EML6: variants seen among roughly 807,000 people sequenced by gnomAD.
EML6 encodes the protein EMAP like 6.
A neutral mutation model predicts 240.1 loss-of-function variants in EML6; 154 were observed. The observed-to-expected ratio is 0.64, with a 90% confidence interval of 0.56 to 0.73. The LOEUF (loss-of-function observed/expected upper bound fraction) is 0.73. Among genes scored for constraint, EML6 ranks in the 30% least tolerant of loss-of-function variants. The pLI is 0.00. For synonymous variants in EML6, 1,148 were observed against 899.0 expected (o/e 1.28, Z -4.95); for missense variants, 2,964 against 2,474.6 (o/e 1.20, Z -4.20).
At chr2:54,832,306 G>T (rs757469899) in intron 7 of EML6, among the ~76,000 whole-genome samples, 1 of 152,174 alleles carries the variant, frequency 6.6e-6, no homozygotes, top group African/African-American at 2.4e-5. Context: ...GCTCTGTTGC[G>T]CTCAGCCAGG....
intron 11 of EML6, among the ~76,000 whole-genome samples, chr2:54,855,331 C>T (rs561074800): frequency 5.9e-5 from 9 of 152,150 alleles, no homozygotes; most frequent in Non-Finnish European, 1.2e-4. Flanking sequence ...AGAGCTAGAG[C>T]AGGGTTCCTA....
At chr2:54,869,130 T>G in intron 14 of EML6, 51 bp from the exon 15 acceptor site, 1 of 1,282,624 alleles carries the variant, frequency 7.8e-7, no homozygotes, top group East Asian at 2.5e-5. Context: ...TCCTGCTCCA[T>G]GCATTTGCTG....
chr2:54,869,018 C>T, intron 14 of EML6, 163 bp from the exon 15 acceptor site: 1 of 523,712 alleles, frequency 1.9e-6, no homozygotes, highest in Non-Finnish European at 3.4e-6. Flanking sequence ...CTCATGCCCT[C>T]AGACGGCCAC....
intron 3 of EML6, 63 bp from the exon 4 acceptor site, chr2:54,816,724 T>G (rs1668097252): frequency 2.4e-6 from 3 of 1,240,858 alleles, no homozygotes; most frequent in Non-Finnish European, 3.5e-6. Flanking sequence ...AGTAACTATT[T>G]CTTAACGTGT....
At chr2:54,819,237 C>G (rs1342438872) in intron 4 of EML6, among the ~76,000 whole-genome samples, 2 of 152,160 alleles carry the variant, frequency 1.3e-5, no homozygotes, top group African/African-American at 4.8e-5. Context: ...CCTTCCCTTT[C>G]TATCAGTGTG....
At position 54,903,464 on chromosome 2, in the gene EML6, C is replaced by T. The variant is rs1558668955; in HGVS notation, c.3371C>T (p.Ala1124Val). 3 of 1,551,790 alleles carry T rather than the reference C, an allele frequency of 1.9e-6. No individual in the cohort carries two copies. The highest frequency in any genetic ancestry group is 1.4e-5 in the African/African-American group (1 of 73,024). ...TSKRVGICKG[A>V]SSYITHIDWD... ...AAAAGGGTTGGCATCTGTAAAGGTG[C>T]TTCTAGTTATATTACACACATTGAC... Residue 1124 changes from alanine to valine, a missense_variant, in exon 24 of 42, where the codon GCT becomes GTT. Coordinates refer to ENST00000356458, the MANE Select transcript of EML6 (RefSeq NM_001039753.4).
chr2:54,873,147 G>A (rs889550396), intron 16 of EML6, among the ~76,000 whole-genome samples: 2 of 152,150 alleles, frequency 1.3e-5, no homozygotes, highest in African/African-American at 4.8e-5. Flanking sequence ...TATAAACCAC[G>A]TTTGGGTGAA....
chr2:54,890,742 C>T (rs1049168239), intron 17 of EML6, among the ~76,000 whole-genome samples: 1 of 152,198 alleles, frequency 6.6e-6, no homozygotes, highest in Non-Finnish European at 1.5e-5. Flanking sequence ...CAATTACTTG[C>T]AACCCCACAG....
chr2:54,773,945 G>C (rs925762295), intron 2 of EML6, among the ~76,000 whole-genome samples: 1 of 152,180 alleles, frequency 6.6e-6, no homozygotes, highest in Non-Finnish European at 1.5e-5. Context: ...CTGGCACAGG[G>C]CCTCCTTTTT....
At chr2:54,848,524 T>TACACACACACACACACACAC (rs59587579) in intron 9 of EML6, among the ~76,000 whole-genome samples, 12,078 of 145,602 alleles carry the variant, frequency 0.083, 629 homozygotes, top group Admixed American at 0.15. Flanking sequence ...GCTTCCACAC[T>TACACACACACACACACACAC]ACACACACAC....
intron 15 of EML6, 131 bp downstream of exon 15, chr2:54,869,498 C>T: frequency 1.4e-6 from 1 of 721,552 alleles, no homozygotes; most frequent in Non-Finnish European, 2.3e-6. Flanking sequence ...ATTGAATGAT[C>T]ATTGGATCCT....
intron 17 of EML6, chr2:54,879,860 C>G (rs577492702): frequency 3.7e-6 from 2 of 545,806 alleles, no homozygotes; most frequent in African/African-American, 3.8e-5. Flanking sequence ...CCGAAATCCT[C>G]TGCAGAGAGT....
intron 14 of EML6, chr2:54,867,534 A>G (rs1344745087): frequency 1.3e-5 from 2 of 152,248 alleles, no homozygotes; most frequent in Non-Finnish European, 2.9e-5. Flanking sequence ...TGGGAGGCTG[A>G]GGCAGGTGGA....
At chr2:54,841,753 C>T (rs1343580296) in intron 7 of EML6, among the ~76,000 whole-genome samples, 1 of 151,946 alleles carries the variant, frequency 6.6e-6, no homozygotes, top group Non-Finnish European at 1.5e-5. Flanking sequence ...CTACCATGTC[C>T]AGCTAATTTT....
At chr2:54,869,954 C>A (rs950964590) in intron 15 of EML6, among the ~76,000 whole-genome samples, 2 of 152,038 alleles carry the variant, frequency 1.3e-5, no homozygotes, top group African/African-American at 4.8e-5. Context: ...TTATTAAAGA[C>A]TTTATTAAAC....
chr2:54,885,130 C>T (rs1006106543), intron 17 of EML6, among the ~76,000 whole-genome samples: 1 of 151,998 alleles, frequency 6.6e-6, no homozygotes, highest in African/African-American at 2.4e-5. Flanking sequence ...GCACTCCAGC[C>T]TGAGTGACAG....
chr2:54,908,680 G>T (rs1405870340), intron 24 of EML6, among the ~76,000 whole-genome samples: 1 of 152,102 alleles, frequency 6.6e-6, no homozygotes, highest in African/African-American at 2.4e-5. Flanking sequence ...TGCACAAGCA[G>T]CCTTTCTCTA....
In EML6 at chr2:54,793,039, A is replaced by C. The variant is rs995900354; in HGVS notation, c.198-20193A>C. On this transcript the variant is annotated intron_variant, in intron 2 of 41. Transcript: ENST00000356458. ...TCTCAGCACTTTAGGAGGCTGAGGC[A>C]GGCAGATTGCATGAGGCCAGGAGTT... Among the ~76,000 whole-genome samples the C allele has an allele frequency of 2.0e-5, 3 of 152,336 alleles. No individual in the cohort carries two copies. The East Asian group carries it at 5.8e-4, about 29-fold the overall frequency.
chr2:54,785,709 G>A (rs957616906), intron 2 of EML6, among the ~76,000 whole-genome samples: 1 of 151,978 alleles, frequency 6.6e-6, no homozygotes, highest in Non-Finnish European at 1.5e-5. Context: ...TTTTATGGTA[G>A]CAAATGATAA....
Sources: gnomAD v4.1 joint callset for allele counts (sites outside exome capture counted in the v4.1 genomes callset) on GRCh38, gnomAD v4.1.1 for gene constraint, MANE v1.5 for transcripts, NCBI Gene and HGNC (gene_info 2026-07-23, HGNC 2026-07-21) for gene names.